BAAT: variants seen among roughly 807,000 people sequenced by gnomAD.
BAAT encodes the protein bile acid-CoA:amino acid N-acyltransferase.
Under a neutral mutation model 18.9 loss-of-function variants are expected in BAAT, and 13 were observed. That is an observed-to-expected ratio of 0.69 (90% CI 0.45 to 1.10). The LOEUF (loss-of-function observed/expected upper bound fraction) is 1.10. Ranked by LOEUF, BAAT falls within the 50% of genes least tolerant of loss-of-function variation. BAAT has a pLI of 0.00. For synonymous variants in BAAT, 170 were observed against 190.7 expected (o/e 0.89, Z 0.89); for missense variants, 489 against 504.0 (o/e 0.97, Z 0.28).
intron 1 of BAAT, among the ~76,000 whole-genome samples, chr9:101,375,780 T>C (rs1443828355): frequency 2.0e-5 from 3 of 152,216 alleles, no homozygotes; most frequent in African/African-American, 7.2e-5. Flanking sequence ...TGGATTCAAA[T>C]GGCGAGGCAG....
At chr9:101,363,855 C>T (rs1466360506) in intron 3 of BAAT, among the ~76,000 whole-genome samples, 1 of 152,158 alleles carries the variant, frequency 6.6e-6, no homozygotes, top group African/African-American at 2.4e-5. Context: ...CTCTACAAAA[C>T]TAAAAAATTA....
chr9:101,368,812 T>C (rs1386050248), intron 2 of BAAT, among the ~76,000 whole-genome samples: 2 of 152,192 alleles, frequency 1.3e-5, no homozygotes, highest in African/African-American at 4.8e-5. Context: ...GGTATATATA[T>C]ATTTGTAGGT....
intron 3 of BAAT, 133 bp from the exon 4 acceptor site, chr9:101,363,148 T>C (rs1352119148): frequency 3.6e-6 from 3 of 828,890 alleles, no homozygotes; most frequent in East Asian, 2.6e-5. Context: ...TCCCTAGCTA[T>C]AGAGTTCTGG....
chr9:101,368,097 C>T (rs1302581327), intron 3 of BAAT, 23 bp downstream of exon 3: 1 of 1,603,672 alleles, frequency 6.2e-7, no homozygotes, highest in Non-Finnish European at 8.5e-7. Flanking sequence ...GGGACTCAAA[C>T]CTACTGAAAA....
At position 101,362,574 on chromosome 9, in the gene BAAT, G is replaced by C; in HGVS notation, c.1111C>G (p.Leu371Val). ...TCGTGGGTCGTTGAGGCACAGCACA[G>C]AGGAGAATAGGGAGGTTCTATCAGG... Reference protein sequence around the residue: ...GHLIEPPYSPLCCASTTHDLR... With the variant: ...GHLIEPPYSPVCCASTTHDLR... The change falls in exon 4 of 4, where the codon CTG becomes GTG. Residue 371 changes from leucine to valine, a missense_variant. Leu to Val is a conservative substitution (Grantham distance 32). Coordinates refer to ENST00000259407, the MANE Select transcript of BAAT (RefSeq NM_001701.4). 1 of 1,614,154 alleles carries C rather than the reference G, an allele frequency of 6.2e-7. No homozygotes were observed. Among genetic ancestry groups the C allele is most frequent in the Non-Finnish European group, 8.5e-7 (1 of 1,180,034 alleles).
intron 1 of BAAT, among the ~76,000 whole-genome samples, chr9:101,381,257 C>T (rs1241906752): frequency 6.6e-6 from 1 of 151,958 alleles, no homozygotes; most frequent in African/African-American, 2.4e-5. Context: ...CGTGGTGACT[C>T]ATGCCTGTAA....
chr9:101,373,006 C>T (rs1301004171), intron 1 of BAAT, among the ~76,000 whole-genome samples: 3 of 152,044 alleles, frequency 2.0e-5, no homozygotes, highest in East Asian at 3.9e-4. Context: ...GCATTGCACA[C>T]CTTCATGTAA....
chr9:101,365,077 G>A (rs1189710363), intron 3 of BAAT, among the ~76,000 whole-genome samples: 1 of 152,184 alleles, frequency 6.6e-6, no homozygotes, highest in African/African-American at 2.4e-5. Flanking sequence ...AGTATTGAGT[G>A]TATTGCTCCC....
At chr9:101,384,333 C>T (rs771424328) in intron 1 of BAAT, among the ~76,000 whole-genome samples, 20 of 152,118 alleles carry the variant, frequency 1.3e-4, no homozygotes, top group Non-Finnish European at 2.8e-4. Flanking sequence ...AGGTACTTAA[C>T]AGACAATAGG....
intron 1 of BAAT, chr9:101,383,329 G>T (rs1641737170): frequency 6.6e-6 from 1 of 152,126 alleles, no homozygotes; most frequent in African/African-American, 2.4e-5. Context: ...ATTATGAAAT[G>T]AACAAAAAGA....
At chr9:101,379,243 C>T (rs1051363077) in intron 1 of BAAT, among the ~76,000 whole-genome samples, 13 of 152,140 alleles carry the variant, frequency 8.5e-5, no homozygotes, top group East Asian at 1.9e-4. Context: ...TCAGGTGATC[C>T]GCCTGCCTCA....
At position 101,375,087 on chromosome 9, in the gene BAAT, A is replaced by G. The variant is rs554356295; in HGVS notation, c.-59-3624T>C. Among the ~76,000 whole-genome samples the G allele has an allele frequency of 2.6e-5, 4 of 152,324 alleles. No individual in the cohort carries two copies. In the East Asian group the frequency reaches 7.7e-4, roughly 29 times the overall value. On this transcript the variant is annotated intron_variant, in intron 1 of 3. Coordinates refer to ENST00000259407, the MANE Select transcript of BAAT (RefSeq NM_001701.4). Reference sequence around the variant, plus strand: ...GGCAGGGCCAGGTGGAAATAAATGAATCACGGGAGTTGTTCCCCCCCATAC... The same window carrying G: ...GGCAGGGCCAGGTGGAAATAAATGAGTCACGGGAGTTGTTCCCCCCCATAC...
intron 2 of BAAT, among the ~76,000 whole-genome samples, chr9:101,368,715 G>A (rs991324914): frequency 1.7e-4 from 26 of 151,964 alleles, no homozygotes; most frequent in African/African-American, 4.6e-4. Flanking sequence ...TATAAATTAG[G>A]CCAGGGCTTC....
In BAAT at chr9:101,362,583, A is replaced by AG; in HGVS notation, c.1101dup (p.Tyr368LeufsTer61). The AG allele has an allele frequency of 6.2e-7, 1 of 1,614,144 alleles. No individual in the cohort carries two copies. The highest frequency in any genetic ancestry group is 8.5e-7 in the Non-Finnish European group (1 of 1,180,028). On this transcript the variant is annotated frameshift_variant, in exon 4 of 4. Coordinates refer to ENST00000259407, the MANE Select transcript of BAAT (RefSeq NM_001701.4). LOFTEE classifies it low-confidence loss of function (END_TRUNC). ...GTTGAGGCACAGCACAGAGGAGAATAGGGAGGTTCTATCAGGTGGCCTGCC... is the reference window on the plus strand; with the variant it reads ...GTTGAGGCACAGCACAGAGGAGAATAGGGGAGGTTCTATCAGGTGGCCTGCC...
At chr9:101,370,880 G>T in intron 2 of BAAT, 59 bp downstream of exon 2, 1 of 1,550,462 alleles carries the variant, frequency 6.4e-7, no homozygotes, top group Non-Finnish European at 8.9e-7. Context: ...ATTTCTAGAC[G>T]GATAATGTAT....
intron 1 of BAAT, 81 bp from the exon 2 acceptor site, chr9:101,371,544 C>T (rs1829946085): frequency 2.3e-6 from 2 of 866,720 alleles, no homozygotes; most frequent in South Asian, 2.9e-5. Flanking sequence ...AGCAGTCAGA[C>T]CACTTAGGAG....
intron 1 of BAAT, among the ~76,000 whole-genome samples, chr9:101,380,466 T>C (rs1174406475): frequency 6.6e-6 from 1 of 152,128 alleles, no homozygotes; most frequent in Non-Finnish European, 1.5e-5. Flanking sequence ...TCCCTTGGCC[T>C]TTGGGGGTAG....
intron 1 of BAAT, among the ~76,000 whole-genome samples, chr9:101,380,341 G>A (rs1042374286): frequency 2.0e-5 from 3 of 152,206 alleles, no homozygotes; most frequent in Non-Finnish European, 4.4e-5. Context: ...GGGAGTAACA[G>A]TGAGGGGATC....
chr9:101,361,911 A>G lies in BAAT; in HGVS notation c.*517T>C, dbSNP rs1829731617. 1 of 169,286 alleles carries G rather than the reference A, an allele frequency of 5.9e-6. No homozygotes were observed. Among genetic ancestry groups the G allele is most frequent in the African/African-American group, 2.4e-5 (1 of 41,542 alleles). The allele number at this position is 169,286 out of a possible 1,614,324, so 10.5% of individuals were successfully genotyped here. ...TGCAATGAACTAACTGACCTCCTCC[A>G]TTCCTTCTTTCCTTTTTGACATGAA... On this transcript the variant is annotated 3_prime_UTR_variant, in exon 4 of 4. Transcript: ENST00000259407.
Sources: allele counts gnomAD v4.1 joint callset (sites outside exome capture counted in the v4.1 genomes callset), GRCh38; gene constraint gnomAD v4.1.1; transcripts MANE v1.5; gene names NCBI Gene and HGNC (gene_info 2026-07-23, HGNC 2026-07-21).